DDX4: variants seen among roughly 807,000 people sequenced by gnomAD.
DDX4 encodes the protein DEAD-box helicase 4.
A neutral mutation model predicts 100.0 loss-of-function variants in DDX4; 25 were observed. That is an observed-to-expected ratio of 0.25 (90% CI 0.18 to 0.35). The LOEUF (loss-of-function observed/expected upper bound fraction) is 0.35. Among genes scored for constraint, DDX4 ranks in the 10% least tolerant of loss-of-function variants. The pLI, the probability that DDX4 is intolerant of heterozygous loss-of-function variation, is 1.00. For missense variants in DDX4, 635 were observed against 882.4 expected (o/e 0.72, Z 3.55); for synonymous variants, 259 against 275.7 (o/e 0.94, Z 0.60).
chr5:55,753,121 C>T (rs866930498), intron 3 of DDX4, among the ~76,000 whole-genome samples: 1 of 151,868 alleles, frequency 6.6e-6, no homozygotes, highest in Non-Finnish European at 1.5e-5. Flanking sequence ...AAATTTTCTC[C>T]CATTCTGTAG....
Position 55,815,318 on chromosome 5 carries a change from A to T in DDX4, c.1992A>T (p.Gln664His). The part of the protein sequence containing the change: ...QPLVKVLTDA[Q>H]QDVPAWLEEI... ...GAAGTCAATTTTTTTTAAAGGCTCA[A>T]CAGGATGTTCCTGCATGGTTGGAAG... Residue 664 changes from glutamine (Q) to histidine (H), a missense_variant, in exon 21 of 22, where the codon CAA (glutamine) becomes CAT (histidine). By Grantham distance (24) the Gln-to-His change is conservative. Around this residue, in one of 4 missense-constraint regions of DDX4, gnomAD observed 73 missense variants for 98.5 expected, o/e 0.74. Transcript: ENST00000505374. The T allele has an allele frequency of 2.5e-6, 4 of 1,610,222 alleles. No individual in the cohort carries two copies. Among genetic ancestry groups the T allele is most frequent in the Middle Eastern group, 3.3e-4 (2 of 6,046 alleles).
At chr5:55,795,785 G>T (rs1341931974) in intron 17 of DDX4, among the ~76,000 whole-genome samples, 1 of 152,058 alleles carries the variant, frequency 6.6e-6, no homozygotes, top group Non-Finnish European at 1.5e-5. Flanking sequence ...AGTACAACGT[G>T]GCAGTGATAT....
In DDX4 at chr5:55,815,293, G is replaced by A. The variant is rs1744332358; in HGVS notation, c.1987-20G>A. 1 of 1,603,692 alleles carries A rather than the reference G, an allele frequency of 6.2e-7. No individual in the cohort carries two copies. Among genetic ancestry groups the A allele is most frequent in the African/African-American group, 1.3e-5 (1 of 74,258 alleles). On this transcript the variant is annotated intron_variant, in intron 20 of 21. Transcript: ENST00000505374. ...ATATTTAATACTTTATGTTGCATATGAAGTCAATTTTTTTTAAAGGCTCAA... is the reference window on the plus strand; with the variant it reads ...ATATTTAATACTTTATGTTGCATATAAAGTCAATTTTTTTTAAAGGCTCAA...
At chr5:55,747,800 A>G (rs1006308586) in intron 3 of DDX4, among the ~76,000 whole-genome samples, 3 of 152,204 alleles carry the variant, frequency 2.0e-5, no homozygotes, top group Non-Finnish European at 4.4e-5. Flanking sequence ...CTATAACTTT[A>G]CTATGAGTCT....
At chr5:55,812,062 G>T (rs544923966) in intron 18 of DDX4, among the ~76,000 whole-genome samples, 1 of 152,006 alleles carries the variant, frequency 6.6e-6, no homozygotes, top group Non-Finnish European at 1.5e-5. Context: ...TGTAAACTTG[G>T]ATTCTTAAAA....
intron 18 of DDX4, among the ~76,000 whole-genome samples, chr5:55,810,346 C>G (rs974792540): frequency 1.3e-5 from 2 of 152,150 alleles, no homozygotes; most frequent in East Asian, 3.9e-4. Context: ...CTCAGGTGAT[C>G]CGCCCGCCTT....
At chr5:55,813,867 G>A (rs1420390070) in intron 19 of DDX4, 95 bp downstream of exon 19, 10 of 1,331,010 alleles carry the variant, frequency 7.5e-6, no homozygotes, top group African/African-American at 1.5e-5. Flanking sequence ...ATAATCCTAG[G>A]ATTGGGATTC....
chr5:55,797,521 A>T (rs1743040660), intron 17 of DDX4, among the ~76,000 whole-genome samples: 1 of 152,242 alleles, frequency 6.6e-6, no homozygotes, highest in African/African-American at 2.4e-5. Flanking sequence ...TTTTATGATA[A>T]GAGATCAAGT....
intron 2 of DDX4, chr5:55,742,045 T>C (rs1199221745): frequency 2.6e-6 from 1 of 382,662 alleles, no homozygotes; most frequent in African/African-American, 2.1e-5. Context: ...AATTTGTCAT[T>C]GTTCTAGTAT....
At chr5:55,814,138 T>A (rs1334238404) in intron 19 of DDX4, among the ~76,000 whole-genome samples, 2 of 152,200 alleles carry the variant, frequency 1.3e-5, no homozygotes, top group Non-Finnish European at 2.9e-5. Flanking sequence ...ATTGGAGTGC[T>A]TTAAAATGTC....
At chr5:55,781,256 T>C in intron 9 of DDX4, 110 bp downstream of exon 9, 1 of 801,342 alleles carries the variant, frequency 1.2e-6, no homozygotes, top group Non-Finnish European at 1.8e-6. Flanking sequence ...CTTATGATTT[T>C]CTCTGCTTTT....
chr5:55,806,401 T>C (rs1480773221), intron 18 of DDX4, among the ~76,000 whole-genome samples: 1 of 152,234 alleles, frequency 6.6e-6, no homozygotes, highest in African/African-American at 2.4e-5. Flanking sequence ...TCTCTAGTTC[T>C]TTTAATTGTG....
At chr5:55,811,828 A>G (rs1477435093) in intron 18 of DDX4, among the ~76,000 whole-genome samples, 1 of 152,210 alleles carries the variant, frequency 6.6e-6, no homozygotes, top group Non-Finnish European at 1.5e-5. Context: ...ATACTGTTGA[A>G]TAAATGACTA....
At position 55,785,760 on chromosome 5, in the gene DDX4, A is replaced by G. The variant is rs1352274677; in HGVS notation, c.753A>G (p.Pro251=). Residue 251 remains proline (P), a synonymous_variant, in exon 13 of 22, where the codon CCA becomes CCG. Transcript: ENST00000505374. ...GPKVTYIPPP[P]PEDEDSIFAH... is the part of the protein sequence containing the mutation. The stretch of plus-strand genomic sequence containing the variant: ...AAGTGACCTACATACCCCCTCCTCC[A>G]CCTGAGGATGAGGACTCCATCTTTG... The G allele has an allele frequency of 6.2e-7, 1 of 1,609,128 alleles. No individual in the cohort carries two copies. The highest frequency in any genetic ancestry group is 1.1e-5 in the South Asian group (1 of 90,946).
chr5:55,810,322 C>T (rs1238766715), intron 18 of DDX4, among the ~76,000 whole-genome samples: 1 of 152,174 alleles, frequency 6.6e-6, no homozygotes, highest in African/African-American at 2.4e-5. Context: ...CCAGGCTGGT[C>T]TAGAACTCCT....
At chr5:55,794,784 G>T (rs1580586862) in intron 17 of DDX4, among the ~76,000 whole-genome samples, 1 of 152,066 alleles carries the variant, frequency 6.6e-6, no homozygotes, top group Admixed American at 6.5e-5. Flanking sequence ...CTCTCCCTCA[G>T]TTGCTTCATT....
intron 9 of DDX4, among the ~76,000 whole-genome samples, 163 bp from the exon 10 acceptor site, chr5:55,781,771 G>GA (rs200213654): frequency 0.012 from 1,306 of 107,946 alleles, 12 homozygotes; most frequent in African/African-American, 0.025. Context: ...AGTGAGACTT[G>GA]AAAAAAAAAA....
chr5:55,806,107 T>G (rs186201571), intron 18 of DDX4, among the ~76,000 whole-genome samples: 2,772 of 152,350 alleles, frequency 0.018, 36 homozygotes, highest in Middle Eastern at 0.027. Context: ...CTAGTTTATT[T>G]GCGTAGAGGT....
At position 55,760,242 on chromosome 5, in the gene DDX4, G is replaced by C; in HGVS notation, c.170G>C (p.Ser57Thr). The C allele has an allele frequency of 6.4e-7, 1 of 1,572,630 alleles. No homozygotes were observed. Among genetic ancestry groups the C allele is most frequent in the Non-Finnish European group, 8.6e-7 (1 of 1,164,810 alleles). Residue 57 changes from serine (S) to threonine (T), a missense_variant, in exon 4 of 22, where the codon AGT becomes ACT. Transcript: ENST00000505374. Reference sequence around the variant, plus strand: ...TCTCGAAGAGATCATTTCATGAAAAGTGGATTTGCCTCTGGGCGGAATTTT... The same window carrying C: ...TCTCGAAGAGATCATTTCATGAAAACTGGATTTGCCTCTGGGCGGAATTTT... The part of the protein sequence containing the change: ...GPSRRDHFMK[S>T]GFASGRNFGN...
Sources: allele counts gnomAD v4.1 joint callset (sites outside exome capture counted in the v4.1 genomes callset), GRCh38; gene constraint gnomAD v4.1.1; regional missense constraint gnomAD v4.1.1; transcripts MANE v1.5; gene names NCBI Gene and HGNC (gene_info 2026-07-23, HGNC 2026-07-21).